Variants in CCDC149 observed in about 807,000 individuals in gnomAD.
CCDC149 encodes coiled-coil domain-containing protein 149.
A neutral mutation model predicts 59.9 loss-of-function variants in CCDC149; 45 were observed. That is an observed-to-expected ratio of 0.75 (90% CI 0.59 to 0.96). CCDC149 has a LOEUF of 0.96. Among genes scored for constraint, CCDC149 ranks in the 40% least tolerant of loss-of-function variants. The pLI, the probability that CCDC149 is intolerant of heterozygous loss-of-function variation, is 0.00. For synonymous variants in CCDC149, 245 were observed against 260.6 expected, an observed-to-expected ratio of 0.94 and a Z score of 0.58; for missense variants, 584 against 664.7, an observed-to-expected ratio of 0.88 and a Z score of 1.33.
In CCDC149 at chr4:24,975,701, C is replaced by T. The variant is rs375694924; in HGVS notation, c.-65+4368G>A. Reference sequence around the variant, plus strand: ...CACTATCACTAAGTCCCGTGTCCACCCCTGCAACCATGAAAGTAAACACAG... The same window carrying T: ...CACTATCACTAAGTCCCGTGTCCACTCCTGCAACCATGAAAGTAAACACAG... On this transcript the variant is annotated intron_variant, in intron 1 of 12. Coordinates refer to the CCDC149 transcript ENST00000389609. Among the ~76,000 whole-genome samples the T allele has an allele frequency of 1.8e-3, 277 of 152,050 alleles. 6 individuals carry two copies. In the South Asian group the frequency reaches 0.048, roughly 26 times the overall value.
At position 24,923,167 on chromosome 4, in the gene CCDC149, A is replaced by T. The variant is rs78692913; in HGVS notation, c.-64-28049T>A. Reference sequence around the variant, plus strand: ...GCTCAGCTGATTTGTGAGCATAATAACTATGGGGACAAGGTCACAGGCTGA... The same window carrying T: ...GCTCAGCTGATTTGTGAGCATAATATCTATGGGGACAAGGTCACAGGCTGA... On this transcript the variant is annotated intron_variant, in intron 1 of 12. Coordinates refer to the CCDC149 transcript ENST00000389609. Among the ~76,000 whole-genome samples the T allele has an allele frequency of 9.7e-4, 147 of 152,326 alleles. 4 individuals carry two copies. In the East Asian group the frequency reaches 0.025, roughly 26 times the overall value.
At chr4:24,804,493 A>G (rs955679077), downstream of CCDC149, among the ~76,000 whole-genome samples, 14 of 151,438 alleles carry the variant, frequency 9.2e-5, no homozygotes, top group African/African-American at 2.9e-4. Flanking sequence ...TCTCAAAAAA[A>G]AAAAAAAAAA....
chr4:24,822,883 T>C (rs1258825149), intron 9 of CCDC149: 2 of 209,532 alleles, frequency 9.5e-6, no homozygotes, highest in Non-Finnish European at 1.9e-5. Context: ...GGAATTTCTA[T>C]TTGAGAAATG....
intron 2 of CCDC149, 43 bp from the exon 3 acceptor site, chr4:24,873,762 A>G: frequency 6.8e-7 from 1 of 1,460,822 alleles, no homozygotes; most frequent in Non-Finnish European, 9.6e-7. Context: ...TTAGAAAAAT[A>G]GATGTACTTA....
rs1016603842 is a variant in CCDC149 at position 24,834,433 on chromosome 4, C to T, written c.820+515G>A. Among the ~76,000 whole-genome samples the T allele has an allele frequency of 2.6e-5, 4 of 152,032 alleles. No homozygotes were observed. In the South Asian group the frequency reaches 6.2e-4, roughly 24 times the overall value. On this transcript the variant is annotated intron_variant, in intron 8 of 12. Transcript: ENST00000635206. ...AAATTGCAATCAATAAAAGCTTCTT[C>T]GAAAAAGGCACATGTTATGTGAGAA...
At chr4:24,810,880 A>C in intron 12 of CCDC149, among the ~76,000 whole-genome samples, 1 of 152,232 alleles carries the variant, frequency 6.6e-6, no homozygotes, top group East Asian at 1.9e-4. Flanking sequence ...ACAATCATAC[A>C]TTAATAAAGA....
At chr4:24,924,900 C>T (rs1722396491) in intron 1 of CCDC149, among the ~76,000 whole-genome samples, 1 of 152,168 alleles carries the variant, frequency 6.6e-6, no homozygotes, top group Admixed American at 6.5e-5. Context: ...TTGGAAAATG[C>T]AATCTACCAC....
chr4:24,853,724 T>C (rs1717823399), intron 3 of CCDC149, among the ~76,000 whole-genome samples: 1 of 152,218 alleles, frequency 6.6e-6, no homozygotes, highest in South Asian at 2.1e-4. Flanking sequence ...GGATAGCTTC[T>C]TATTCTTCAA....
At chr4:24,848,256 T>C (rs915452144) in intron 4 of CCDC149, among the ~76,000 whole-genome samples, 3 of 152,112 alleles carry the variant, frequency 2.0e-5, no homozygotes, top group Admixed American at 6.5e-5. Flanking sequence ...AGTGCTTGTG[T>C]TTAAGGAACC....
At chr4:24,812,726 A>G (rs1714705146) in intron 12 of CCDC149, among the ~76,000 whole-genome samples, 1 of 152,194 alleles carries the variant, frequency 6.6e-6, no homozygotes, top group Non-Finnish European at 1.5e-5. Context: ...ATGGCTGGGG[A>G]GGCCTCACAA....
intron 1 of CCDC149, among the ~76,000 whole-genome samples, chr4:24,964,227 T>A (rs919939848): frequency 4.9e-5 from 7 of 144,172 alleles, no homozygotes; most frequent in Non-Finnish European, 1.1e-4. Context: ...AAATGGAAAT[T>A]ACAGAATTAA....
intron 1 of CCDC149, among the ~76,000 whole-genome samples, chr4:24,891,500 A>G (rs1291895679): frequency 6.6e-6 from 1 of 152,204 alleles, no homozygotes; most frequent in African/African-American, 2.4e-5. Flanking sequence ...TGCTCTCCTT[A>G]ACAGAACATT....
chr4:24,825,268 G>T (rs891294857), intron 9 of CCDC149, among the ~76,000 whole-genome samples: 3 of 152,218 alleles, frequency 2.0e-5, no homozygotes, highest in Non-Finnish European at 4.4e-5. Flanking sequence ...TACATGGACG[G>T]TGCAGTGGAA....
At chr4:24,931,837 A>ATATATATATATATATATATG (rs1553862486) in intron 1 of CCDC149, among the ~76,000 whole-genome samples, 1 of 100,602 alleles carries the variant, frequency 9.9e-6, no homozygotes, top group African/African-American at 3.6e-5. Flanking sequence ...ATGTATATAT[A>ATATATATATATATATATATG]TATATATATA....
chr4:24,845,527 C>T (rs527283601), intron 4 of CCDC149, among the ~76,000 whole-genome samples: 4 of 152,312 alleles, frequency 2.6e-5, no homozygotes, highest in East Asian at 3.9e-4. Flanking sequence ...AAGTGCCAGT[C>T]GTAACTACAC....
rs1471656519 is a variant in CCDC149 at position 24,853,111 on chromosome 4, T to C, written c.333A>G (p.Glu111=). 3.7e-6 allele frequency: 6 copies of C among 1,613,792 alleles called. No individual in the cohort carries two copies. The highest frequency in any genetic ancestry group is 5.1e-6 in the Non-Finnish European group (6 of 1,179,804). Residue 111 remains glutamate, a synonymous_variant, in exon 4 of 13, where the codon GAA becomes GAG. Transcript: ENST00000635206. ...GGACTTCTCCAAGCCTTTGCTGAAG[T>C]TCTTTAATTTCTTCTCCCAGATGTT... is the stretch of plus-strand genomic sequence containing the variant.
upstream of CCDC149, among the ~76,000 whole-genome samples, chr4:24,915,937 A>T (rs1439410244): frequency 6.6e-6 from 1 of 152,254 alleles, no homozygotes; most frequent in Admixed American, 6.5e-5. Flanking sequence ...GCCCAGACTG[A>T]CAAAAAAGAG....
intron 1 of CCDC149, among the ~76,000 whole-genome samples, chr4:24,892,870 T>A (rs1323624560): frequency 6.6e-6 from 1 of 152,170 alleles, no homozygotes; most frequent in African/African-American, 2.4e-5. Flanking sequence ...TTCTGTAGGC[T>A]AGGAAGTCCA....
At chr4:24,862,060 G>A (rs577225090) in intron 3 of CCDC149, among the ~76,000 whole-genome samples, 23 of 152,256 alleles carry the variant, frequency 1.5e-4, no homozygotes, top group South Asian at 4.1e-4. Context: ...AGAGACAGTC[G>A]GCACCAAGAT....
Sources: gnomAD v4.1 joint callset for allele counts (sites outside exome capture counted in the v4.1 genomes callset) on GRCh38, gnomAD v4.1.1 for gene constraint, MANE v1.5 for transcripts, NCBI Gene and HGNC (gene_info 2026-07-23, HGNC 2026-07-21) for gene names.